Variants in SORCS2 observed in about 807,000 individuals in gnomAD.
The protein encoded by SORCS2 is sortilin related VPS10 domain containing receptor 2.
Under a neutral mutation model 141.6 loss-of-function variants are expected in SORCS2, and 100 were observed. The observed-to-expected ratio is 0.71, with a 90% CI of 0.60 to 0.83. SORCS2 has a LOEUF of 0.83. Among genes scored for constraint, SORCS2 ranks in the 40% least tolerant of loss-of-function variants. SORCS2 has a pLI of 0.00. For missense variants in SORCS2, 1,646 were observed against 1,560.2 expected, an observed-to-expected ratio of 1.05 and a Z score of -0.93; for synonymous variants, 789 against 676.9, an observed-to-expected ratio of 1.17 and a Z score of -2.57.
chr4:7,498,816 C>T (rs4476599), intron 2 of SORCS2, among the ~76,000 whole-genome samples: 2 of 152,226 alleles, frequency 1.3e-5, no homozygotes, highest in Non-Finnish European at 2.9e-5. Flanking sequence ...CCTCCCTCTG[C>T]GGGTGTCCAT....
chr4:7,521,523 G>A (rs1733327398), intron 2 of SORCS2, among the ~76,000 whole-genome samples: 1 of 152,218 alleles, frequency 6.6e-6, no homozygotes, highest in South Asian at 2.1e-4. Flanking sequence ...GGGAGGGTTT[G>A]TTAGAAAGTC....
intron 11 of SORCS2, among the ~76,000 whole-genome samples, chr4:7,690,940 TAGA>T (rs1416618733): frequency 6.6e-6 from 1 of 152,228 alleles, no homozygotes; most frequent in East Asian, 1.9e-4. Flanking sequence ...TGATTTGCTT[TAGA>T]AGAACCATTC....
intron 3 of SORCS2, among the ~76,000 whole-genome samples, chr4:7,622,038 G>T (rs912902200): frequency 6.6e-6 from 1 of 152,146 alleles, no homozygotes; most frequent in African/African-American, 2.4e-5. Flanking sequence ...TCTGGCCTCA[G>T]TAAGGCCTGG....
intron 1 of SORCS2, among the ~76,000 whole-genome samples, chr4:7,242,611 T>C (rs1712780411): frequency 6.6e-6 from 1 of 152,144 alleles, no homozygotes; most frequent in Non-Finnish European, 1.5e-5. Context: ...CTTTGCTCTC[T>C]CTTTCTGGAG....
intron 1 of SORCS2, among the ~76,000 whole-genome samples, chr4:7,352,039 C>T (rs1035373535): frequency 1.3e-5 from 2 of 152,046 alleles, no homozygotes; most frequent in African/African-American, 4.8e-5. Context: ...TTTATCTACC[C>T]GTCCACCCAC....
At chr4:7,434,336 C>T (rs997160116) in intron 2 of SORCS2, 13 of 1,610,212 alleles carry the variant, frequency 8.1e-6, no homozygotes, top group Middle Eastern at 3.3e-4. Context: ...TGGCACAGAG[C>T]TCCTTCAGGC....
rs184915169 is a variant in SORCS2, at chr4:7,440,938, C to A, written c.548+44583C>A. 6.2e-3 allele frequency among the ~76,000 whole-genome samples: 941 copies of A among 152,270 alleles called. 5 individuals carry two copies. The highest frequency in any genetic ancestry group is 9.2e-3 in the Non-Finnish European group (625 of 68,018). On this transcript the variant is annotated intron_variant, in intron 2 of 26. Coordinates refer to ENST00000507866, the MANE Select transcript of SORCS2 (RefSeq NM_020777.3). Reference sequence around the variant, plus strand: ...GGAGTGGCTCTTTGCGGTGGAGAGACAGACCATGAATGAGTGAGCACTCAA... The same window carrying A: ...GGAGTGGCTCTTTGCGGTGGAGAGAAAGACCATGAATGAGTGAGCACTCAA...
intron 1 of SORCS2, among the ~76,000 whole-genome samples, chr4:7,259,775 C>A (rs907826644): frequency 6.6e-6 from 1 of 152,258 alleles, no homozygotes; most frequent in African/African-American, 2.4e-5. Context: ...TTCACAGCAT[C>A]TCCCCATCTT....
chr4:7,535,089 A>G (rs1199676845), intron 3 of SORCS2, among the ~76,000 whole-genome samples: 2 of 152,194 alleles, frequency 1.3e-5, no homozygotes, highest in Non-Finnish European at 2.9e-5. Context: ...GCAGGAGCAA[A>G]GTCACAGGTG....
chr4:7,394,959 A>G (rs972009389), intron 1 of SORCS2, among the ~76,000 whole-genome samples: 4 of 152,140 alleles, frequency 2.6e-5, no homozygotes, highest in Admixed American at 6.5e-5. Context: ...GCGTGACTAT[A>G]TCAAATATGA....
intron 1 of SORCS2, among the ~76,000 whole-genome samples, chr4:7,247,179 G>A (rs940430811): frequency 5.9e-5 from 9 of 152,206 alleles, no homozygotes; most frequent in African/African-American, 2.2e-4. Flanking sequence ...GTGGCAGGTA[G>A]GAGCACGGGA....
At chr4:7,459,509 G>A (rs1729152286) in intron 2 of SORCS2, among the ~76,000 whole-genome samples, 1 of 152,166 alleles carries the variant, frequency 6.6e-6, no homozygotes, top group South Asian at 2.1e-4. Context: ...TGAATAAGGT[G>A]ACACCCATGA....
At chr4:7,396,929 G>T (rs532183499) in intron 2 of SORCS2, among the ~76,000 whole-genome samples, 1 of 152,250 alleles carries the variant, frequency 6.6e-6, no homozygotes, top group East Asian at 1.9e-4. Context: ...ACCCATTTTG[G>T]TTATCATCCT....
chr4:7,738,813 G>A (rs1712414607), intron 26 of SORCS2, among the ~76,000 whole-genome samples: 1 of 152,174 alleles, frequency 6.6e-6, no homozygotes, highest in East Asian at 1.9e-4. Flanking sequence ...CCTTCACACT[G>A]TCTTGAGAGG....
intron 1 of SORCS2, among the ~76,000 whole-genome samples, chr4:7,304,028 G>C (rs2336106): frequency 0.23 from 35,030 of 152,282 alleles, 4,739 homozygotes; most frequent in Admixed American, 0.36. Context: ...TCAATTTACA[G>C]ATGGAAACCC....
intron 2 of SORCS2, among the ~76,000 whole-genome samples, chr4:7,481,017 C>A (rs1011282436): frequency 2.0e-5 from 3 of 152,246 alleles, no homozygotes; most frequent in African/African-American, 7.2e-5. Flanking sequence ...TCCTCCTAGA[C>A]CGACTGTCCT....
At chr4:7,205,689 C>T (rs1297352714) in intron 1 of SORCS2, among the ~76,000 whole-genome samples, 2 of 152,242 alleles carry the variant, frequency 1.3e-5, no homozygotes, top group Non-Finnish European at 2.9e-5. Flanking sequence ...ATTGTTTCTG[C>T]ATCCAAGTTC....
chr4:7,330,953 G>T (rs1475474756), intron 1 of SORCS2, among the ~76,000 whole-genome samples: 1 of 152,174 alleles, frequency 6.6e-6, no homozygotes, highest in Non-Finnish European at 1.5e-5. Flanking sequence ...CAGCCTGCAG[G>T]CGCTCACCCT....
intron 1 of SORCS2, among the ~76,000 whole-genome samples, chr4:7,298,042 C>T (rs1034297289): frequency 6.6e-6 from 1 of 152,254 alleles, no homozygotes; most frequent in Non-Finnish European, 1.5e-5. Context: ...GCCACCTCTT[C>T]CCCAGGTCCG....
Sources: gnomAD v4.1 joint callset for allele counts (sites outside exome capture counted in the v4.1 genomes callset) on GRCh38, gnomAD v4.1.1 for gene constraint, MANE v1.5 for transcripts, NCBI Gene and HGNC (gene_info 2026-07-23, HGNC 2026-07-21) for gene names.